The following WWTR1 variants were observed in gnomAD, a reference collection of about 807,000 sequenced individuals.
WWTR1 encodes the protein WW domain-containing transcription regulator protein 1.
Under a neutral mutation model 40.1 loss-of-function variants are expected in WWTR1, and 13 were observed. That is an observed-to-expected ratio of 0.32 (90% CI 0.21 to 0.52). The LOEUF is 0.52. WWTR1 is among the 20% of genes least tolerant of loss of function. WWTR1 has a pLI of 0.97. For synonymous variants in WWTR1, 230 were observed against 210.1 expected, an observed-to-expected ratio of 1.09 and a Z score of -0.82; for missense variants, 436 against 523.1, an observed-to-expected ratio of 0.83 and a Z score of 1.63.
In WWTR1 at chr3:149,531,493, G is replaced by T. The variant is rs573042226; in HGVS notation, c.772-3524C>A. Among the ~76,000 whole-genome samples the T allele has an allele frequency of 2.6e-5, 4 of 152,150 alleles. No individual in the cohort carries two copies. The East Asian group carries it at 7.8e-4, about 30-fold the overall frequency. On this transcript the variant is annotated intron_variant, in intron 4 of 6. Transcript: ENST00000360632. ...AGCCCTGGCCACCCTTTCCTCCCAT[G>T]TCTCTGATGTGCTCCCCTCCTTCAC...
At chr3:149,699,816 C>G (rs746011631) in intron 1 of WWTR1, among the ~76,000 whole-genome samples, 1 of 152,170 alleles carries the variant, frequency 6.6e-6, no homozygotes, top group Non-Finnish European at 1.5e-5. Context: ...AACCTTCTCT[C>G]ATCTTCCTGT....
chr3:149,677,564 T>C (rs1483786322), intron 1 of WWTR1, among the ~76,000 whole-genome samples: 1 of 152,072 alleles, frequency 6.6e-6, no homozygotes, highest in East Asian at 1.9e-4. Context: ...AAACTCAATC[T>C]ATCTAATGTA....
chr3:149,552,670 A>G (rs972937608), intron 3 of WWTR1, among the ~76,000 whole-genome samples: 5 of 152,192 alleles, frequency 3.3e-5, no homozygotes, highest in Non-Finnish European at 7.3e-5. Context: ...CTTTCCCCAC[A>G]GCACTCATTA....
At chr3:149,540,290 T>TA (rs1445017436) in intron 4 of WWTR1, 31 of 456,658 alleles carry the variant, frequency 6.8e-5, no homozygotes, top group African/African-American at 4.6e-4. Flanking sequence ...GGCATTTCTG[T>TA]AATATGAACC....
chr3:149,665,385 C>A (rs1025951473), intron 2 of WWTR1, among the ~76,000 whole-genome samples: 6 of 151,888 alleles, frequency 4.0e-5, no homozygotes, highest in Non-Finnish European at 8.8e-5. Flanking sequence ...ACCATCATGC[C>A]CAGTTAATTT....
intron 2 of WWTR1, among the ~76,000 whole-genome samples, chr3:149,638,106 C>A (rs988877927): frequency 6.6e-6 from 1 of 152,062 alleles, no homozygotes; most frequent in African/African-American, 2.4e-5. Context: ...ATCACAGCTA[C>A]TTGGGAGGCT....
At chr3:149,611,870 T>C (rs1483249391) in intron 2 of WWTR1, among the ~76,000 whole-genome samples, 1 of 152,224 alleles carries the variant, frequency 6.6e-6, no homozygotes, top group East Asian at 1.9e-4. Flanking sequence ...CACTGATTGA[T>C]TACTGTGATC....
chr3:149,719,158 T>C (rs1715685072), intron 4 of WWTR1, among the ~76,000 whole-genome samples: 1 of 150,924 alleles, frequency 6.6e-6, no homozygotes, highest in Non-Finnish European at 1.5e-5. Flanking sequence ...CTGAATAATA[T>C]TCTTTTTCTT....
At chr3:149,536,297 C>T (rs1470412803) in intron 4 of WWTR1, among the ~76,000 whole-genome samples, 2 of 152,132 alleles carry the variant, frequency 1.3e-5, no homozygotes, top group Non-Finnish European at 2.9e-5. Flanking sequence ...TATTAGACTA[C>T]GTGACCTCTG....
chr3:149,680,434 C>T (rs1714418404), intron 1 of WWTR1, among the ~76,000 whole-genome samples: 1 of 152,092 alleles, frequency 6.6e-6, no homozygotes, highest in African/African-American at 2.4e-5. Context: ...ATCTCAGCTA[C>T]TTGGGAGGCT....
intron 2 of WWTR1, among the ~76,000 whole-genome samples, chr3:149,667,340 G>C (rs1252943527): frequency 6.6e-6 from 1 of 152,010 alleles, no homozygotes; most frequent in African/African-American, 2.4e-5. Context: ...GAGGTCAGGA[G>C]ATTGAGATCA....
At chr3:149,626,295 C>CA (rs1323098303) in intron 2 of WWTR1, among the ~76,000 whole-genome samples, 1 of 152,064 alleles carries the variant, frequency 6.6e-6, no homozygotes, top group African/African-American at 2.4e-5. Flanking sequence ...GAAAGAGTAC[C>CA]AAAAACCCAG....
At chr3:149,582,361 G>A (rs976358723) in intron 2 of WWTR1, among the ~76,000 whole-genome samples, 5 of 151,886 alleles carry the variant, frequency 3.3e-5, no homozygotes, top group Non-Finnish European at 5.9e-5. Flanking sequence ...CTTTGGCTGC[G>A]TTGCAAACAA....
chr3:149,662,676 C>T (rs187105786), upstream of WWTR1, among the ~76,000 whole-genome samples: 17 of 152,264 alleles, frequency 1.1e-4, no homozygotes, highest in East Asian at 3.3e-3. Flanking sequence ...TTTATGATGT[C>T]ATTACCCAGC....
At chr3:149,685,367 T>C (rs1345083645) in intron 1 of WWTR1, among the ~76,000 whole-genome samples, 1 of 152,172 alleles carries the variant, frequency 6.6e-6, no homozygotes, top group African/African-American at 2.4e-5. Context: ...GAGGCTGATG[T>C]GCTGAGAGAA....
chr3:149,576,334 C>A (rs948613730), intron 2 of WWTR1: 11 of 320,258 alleles, frequency 3.4e-5, no homozygotes, highest in Non-Finnish European at 5.6e-5. Context: ...CCCCCTACTT[C>A]CCACCACTTC....
At chr3:149,558,870 G>C (rs773885772) in intron 3 of WWTR1, among the ~76,000 whole-genome samples, 7 of 152,124 alleles carry the variant, frequency 4.6e-5, no homozygotes, top group Admixed American at 2.0e-4. Context: ...TCACATCCTG[G>C]GCCAGAAACA....
At position 149,697,333 on chromosome 3, in the gene WWTR1, T is replaced by A. The variant is rs147257038; in HGVS notation, c.-108+5791A>T. Among the ~76,000 whole-genome samples the A allele has an allele frequency of 1.1e-4, 17 of 150,022 alleles. No individual in the cohort carries two copies. The East Asian group carries it at 3.4e-3, about 30-fold the overall frequency. On this transcript the variant is annotated intron_variant, in intron 1 of 7. Coordinates refer to the WWTR1 transcript ENST00000465804. ...TGCCACAGTCTTTTAAACAAACAGA[T>A]CTCATGTAAAATACCAGAGTGAGAA...
chr3:149,711,989 A>G (rs1274189505), intron 5 of WWTR1, among the ~76,000 whole-genome samples: 1 of 152,216 alleles, frequency 6.6e-6, no homozygotes, highest in African/African-American at 2.4e-5. Context: ...GAAATCAAAG[A>G]CTGGCTGTTT....
Sources: gnomAD v4.1 joint callset for allele counts (sites outside exome capture counted in the v4.1 genomes callset) on GRCh38, gnomAD v4.1.1 for gene constraint, MANE v1.5 for transcripts, NCBI Gene and HGNC (gene_info 2026-07-23, HGNC 2026-07-21) for gene names.